UBR3: variants seen among roughly 807,000 people sequenced by gnomAD.
UBR3 encodes E3 ubiquitin-protein ligase UBR3.
In UBR3, 85 loss-of-function variants were observed where a neutral mutation model predicts 243.2. That is an observed-to-expected ratio of 0.35 (90% CI 0.29 to 0.42). The LOEUF (loss-of-function observed/expected upper bound fraction) is 0.42. UBR3 is among the 10% of genes least tolerant of loss of function. The pLI is 1.00. For missense variants in UBR3, 1,686 were observed against 2,300.8 expected, an observed-to-expected ratio of 0.73 and a Z score of 5.47; for synonymous variants, 748 against 799.8, an observed-to-expected ratio of 0.94 and a Z score of 1.09.
intron 24 of UBR3, among the ~76,000 whole-genome samples, chr2:169,984,019 C>CT (rs780032461): frequency 6.6e-5 from 10 of 152,082 alleles, no homozygotes; most frequent in Non-Finnish European, 1.3e-4. Flanking sequence ...GATTTGTCAT[C>CT]TTTGACTATT....
chr2:169,867,399 T>C (rs1174499136), intron 1 of UBR3, among the ~76,000 whole-genome samples: 4 of 152,234 alleles, frequency 2.6e-5, no homozygotes, highest in Non-Finnish European at 4.4e-5. Flanking sequence ...AAATATGTTA[T>C]GGATCTGCCA....
At chr2:169,937,421 G>A (rs543363107) in intron 19 of UBR3, among the ~76,000 whole-genome samples, 11 of 152,318 alleles carry the variant, frequency 7.2e-5, no homozygotes, top group Non-Finnish European at 1.5e-4. Context: ...TTTGTCAGAT[G>A]AGTAGATTGC....
intron 24 of UBR3, among the ~76,000 whole-genome samples, chr2:169,973,717 A>G (rs2088285801): frequency 6.6e-6 from 1 of 152,186 alleles, no homozygotes; most frequent in Non-Finnish European, 1.5e-5. Flanking sequence ...TGCTCTGGCT[A>G]AGACTTTCAG....
intron 29 of UBR3, 76 bp from the exon 30 acceptor site, chr2:170,015,205 G>C: frequency 8.0e-7 from 1 of 1,246,750 alleles, no homozygotes; most frequent in South Asian, 1.5e-5. Flanking sequence ...TTTTTAGGTT[G>C]ATTCAGACAT....
In UBR3 at chr2:169,875,895, T is replaced by C. The variant is rs867970167; in HGVS notation, c.790T>C (p.Ser264Pro). The C allele has an allele frequency of 6.5e-7, 1 of 1,549,114 alleles. No individual in the cohort carries two copies. The highest frequency in any genetic ancestry group is 8.7e-7 in the Non-Finnish European group (1 of 1,145,822). ...GACTAAAATGGGAGGAGCAATGCGG[T>C]CTGTTCTTACTCAGGTTTTGACAAA... The part of the protein sequence containing the change: ...DLTKMGGAMR[S>P]VLTQVLTNQQ... Residue 264 changes from serine to proline, a missense_variant, in exon 3 of 39, where the codon TCT becomes CCT. Ser to Pro is a moderately conservative substitution (Grantham distance 74). Coordinates refer to ENST00000272793, the MANE Select transcript of UBR3 (RefSeq NM_172070.4).
intron 31 of UBR3, among the ~76,000 whole-genome samples, chr2:170,030,941 T>A (rs1348796410): frequency 6.6e-6 from 1 of 152,166 alleles, no homozygotes; most frequent in Non-Finnish European, 1.5e-5. Context: ...TTTCAAAAAA[T>A]TGGATCATTG....
chr2:169,851,529 C>T (rs1005469517), intron 1 of UBR3, among the ~76,000 whole-genome samples: 1 of 152,114 alleles, frequency 6.6e-6, no homozygotes, highest in Non-Finnish European at 1.5e-5. Context: ...TTATTGTCCT[C>T]GTTTTTTGGA....
intron 11 of UBR3, among the ~76,000 whole-genome samples, chr2:169,922,220 A>T (rs931918838): frequency 3.4e-5 from 5 of 147,344 alleles, no homozygotes; most frequent in African/African-American, 1.3e-4. Flanking sequence ...CGGGAGGTGG[A>T]GGTTGCAGCG....
At chr2:169,854,881 AAT>A (rs748818208) in intron 1 of UBR3, among the ~76,000 whole-genome samples, 12 of 152,188 alleles carry the variant, frequency 7.9e-5, no homozygotes, top group Non-Finnish European at 1.8e-4. Context: ...GTTCATCTTT[AAT>A]GCTGGTATTA....
chr2:169,865,842 C>A (rs892858856), intron 1 of UBR3, among the ~76,000 whole-genome samples: 1 of 152,124 alleles, frequency 6.6e-6, no homozygotes, highest in African/African-American at 2.4e-5. Context: ...AGGCCAGATT[C>A]TCTTTTATCT....
intron 24 of UBR3, among the ~76,000 whole-genome samples, chr2:169,968,084 T>G (rs1198228640): frequency 3.9e-5 from 6 of 152,060 alleles, no homozygotes; most frequent in Non-Finnish European, 8.8e-5. Context: ...TTACAAAAAT[T>G]TATACATAAT....
intron 1 of UBR3, among the ~76,000 whole-genome samples, chr2:169,840,789 T>C (rs751987334): frequency 6.6e-6 from 1 of 152,138 alleles, no homozygotes; most frequent in East Asian, 1.9e-4. Flanking sequence ...GTTAGCAACA[T>C]GTGGACACTG....
At chr2:170,031,706 CTGT>C (rs1340097536) in intron 31 of UBR3, among the ~76,000 whole-genome samples, 1 of 152,026 alleles carries the variant, frequency 6.6e-6, no homozygotes, top group Non-Finnish European at 1.5e-5. Flanking sequence ...TCCTCAGTGC[CTGT>C]TGTTCCCATC....
chr2:170,077,212 A>T, intron 36 of UBR3: 1 of 699,196 alleles, frequency 1.4e-6, no homozygotes, highest in East Asian at 3.0e-5. Context: ...ATAAATATCT[A>T]TGAAAGTGCT....
chr2:170,054,968 T>G (rs917810340), intron 32 of UBR3, among the ~76,000 whole-genome samples: 16 of 152,182 alleles, frequency 1.1e-4, no homozygotes, highest in Non-Finnish European at 1.8e-4. Context: ...TAGAGGAATT[T>G]TGCTTTCATA....
chr2:169,843,909 A>T lies in UBR3; in HGVS notation c.545+15857A>T, dbSNP rs2082378592. ...TCTTGATAGAGTTTGTCCGTGAAAC[A>T]ATCTAGGTTTGGAATATTTGTTGTT... On this transcript the variant is annotated intron_variant, in intron 1 of 38. Transcript: ENST00000272793. Among the ~76,000 whole-genome samples the T allele has an allele frequency of 2.0e-5, 3 of 152,126 alleles. No individual in the cohort carries two copies. The South Asian group carries it at 6.2e-4, about 31-fold the overall frequency.
chr2:169,908,139 T>C (rs2085091330), intron 10 of UBR3, among the ~76,000 whole-genome samples: 1 of 152,230 alleles, frequency 6.6e-6, no homozygotes, highest in South Asian at 2.1e-4. Flanking sequence ...CAAGCTGGTC[T>C]CTTTCTTTGG....
At chr2:169,953,208 A>C (rs1297147013) in intron 23 of UBR3, among the ~76,000 whole-genome samples, 1 of 152,164 alleles carries the variant, frequency 6.6e-6, no homozygotes, top group Non-Finnish European at 1.5e-5. Flanking sequence ...TTGAACAATG[A>C]TGGTATTGAC....
intron 24 of UBR3, among the ~76,000 whole-genome samples, chr2:169,964,006 A>G (rs909196208): frequency 1.3e-5 from 2 of 152,232 alleles, no homozygotes; most frequent in Non-Finnish European, 2.9e-5. Flanking sequence ...TTACACAATC[A>G]CAGTACATCA....
Sources: gnomAD v4.1 joint callset for allele counts (sites outside exome capture counted in the v4.1 genomes callset) on GRCh38, gnomAD v4.1.1 for gene constraint, MANE v1.5 for transcripts, NCBI Gene and HGNC (gene_info 2026-07-23, HGNC 2026-07-21) for gene names.